The following SLC39A12 variants were observed in gnomAD, a reference collection of about 807,000 sequenced individuals.
SLC39A12 encodes zinc transporter ZIP12.
SLC39A12 carries 63 observed loss-of-function variants against 71.1 expected under a neutral mutation model. That is an observed-to-expected ratio of 0.89 (90% CI 0.72 to 1.09). The LOEUF (loss-of-function observed/expected upper bound fraction) is 1.09, where lower values mean the gene tolerates loss of function less well. Among genes scored for constraint, SLC39A12 ranks in the 50% least tolerant of loss-of-function variants. SLC39A12 has a pLI of 0.00. For missense variants in SLC39A12, 892 were observed against 812.6 expected (o/e 1.10, Z -1.19); for synonymous variants, 351 against 301.3 (o/e 1.16, Z -1.71).
At position 18,000,654 on chromosome 10, in the gene SLC39A12, T is replaced by C. The variant is rs1835807753; in HGVS notation, c.1601-13T>C. The C allele has an allele frequency of 6.2e-7, 1 of 1,613,792 alleles. No individual in the cohort carries two copies. The highest frequency in any genetic ancestry group is 1.7e-5 in the Admixed American group (1 of 60,000). On this transcript the variant is annotated splice_polypyrimidine_tract_variant and intron_variant, in intron 10 of 12. Coordinates refer to ENST00000377369, the MANE Select transcript of SLC39A12 (RefSeq NM_001145195.2). ...TCTGTTAATGCTTCTTCTGTGTTTA[T>C]TTGGTTCCTTAGGTAAAGCCATTAG...
At chr10:17,969,909 A>C (rs946193911) in intron 4 of SLC39A12, among the ~76,000 whole-genome samples, 1 of 152,204 alleles carries the variant, frequency 6.6e-6, no homozygotes. Flanking sequence ...AGTATTTCAT[A>C]GTCTGAAATC....
intron 2 of SLC39A12, among the ~76,000 whole-genome samples, chr10:17,957,007 C>A (rs10827910): frequency 1.3e-5 from 2 of 151,886 alleles, no homozygotes; most frequent in African/African-American, 2.4e-5. Flanking sequence ...AGCCACCCCC[C>A]ACCTCCGGAA....
chr10:17,973,629 T>G (rs1438176259), intron 4 of SLC39A12, among the ~76,000 whole-genome samples: 3 of 152,150 alleles, frequency 2.0e-5, no homozygotes, highest in Non-Finnish European at 4.4e-5. Context: ...CATTGTATAT[T>G]TGTTCCTTTT....
intron 12 of SLC39A12, among the ~76,000 whole-genome samples, chr10:18,029,372 G>A (rs537497286): frequency 6.6e-6 from 1 of 152,162 alleles, no homozygotes; most frequent in Admixed American, 6.5e-5. Context: ...CTCAACAACG[G>A]CAGGCCAAAG....
At position 17,961,749 on chromosome 10, in the gene SLC39A12, C is replaced by T. The variant is rs782477663; in HGVS notation, c.430C>T (p.Leu144=). Residue 144 remains leucine (L), a synonymous_variant, in exon 3 of 13, where the codon CTA becomes TTA. Coordinates refer to ENST00000377369, the MANE Select transcript of SLC39A12 (RefSeq NM_001145195.2). ...GAGTAATAAAGAGTATAAATTTTACCTACACAGCCTACTGAGCCTCAGGCA... is the reference window on the plus strand; with the variant it reads ...GAGTAATAAAGAGTATAAATTTTACTTACACAGCCTACTGAGCCTCAGGCA... ...NMSNKEYKFY[L]HSLLSLRQDE... 3.1e-6 allele frequency: 5 copies of T among 1,613,988 alleles called. No homozygotes were observed. The highest frequency in any genetic ancestry group is 1.7e-5 in the Admixed American group (1 of 60,012).
At chr10:18,032,819 G>A (rs1213780112) in intron 12 of SLC39A12, among the ~76,000 whole-genome samples, 20 of 149,760 alleles carry the variant, frequency 1.3e-4, no homozygotes, top group Non-Finnish European at 1.6e-4. Flanking sequence ...TTTGAAATAC[G>A]TCCCATCAAT....
intron 12 of SLC39A12, chr10:18,007,101 A>C (rs1259580106): frequency 6.6e-6 from 1 of 152,268 alleles, no homozygotes; most frequent in African/African-American, 2.4e-5. Flanking sequence ...GACTTCATAG[A>C]AAACAATAAG....
At chr10:18,026,175 T>A (rs1836671313) in intron 12 of SLC39A12, among the ~76,000 whole-genome samples, 2 of 152,208 alleles carry the variant, frequency 1.3e-5, no homozygotes, top group Admixed American at 1.3e-4. Flanking sequence ...AGACCAAAGT[T>A]TTTGACCAGT....
In SLC39A12 at chr10:17,958,904, TTAAAA is replaced by T. The variant is rs372916026; in HGVS notation, c.262-2673_262-2669del. On this transcript the variant is annotated intron_variant, in intron 2 of 12. Coordinates refer to ENST00000377369, the MANE Select transcript of SLC39A12 (RefSeq NM_001145195.2). The stretch of plus-strand genomic sequence containing the variant: ...GCTGGAGACATTTTGTTTTTCACAC[TTAAAA>T]TAATAATATAGGGTTCTTATTAAAA... Among the ~76,000 whole-genome samples, 205 of 152,318 alleles carry T rather than the reference TTAAAA, an allele frequency of 1.3e-3. 5 individuals are homozygous for T. In the South Asian group the frequency reaches 0.036, roughly 27 times the overall value.
chr10:18,025,236 AT>A (rs34486261), intron 12 of SLC39A12, among the ~76,000 whole-genome samples: 116,701 of 151,184 alleles, frequency 0.77, 45,633 homozygotes, highest in African/African-American at 0.89. Flanking sequence ...TTTTATTTTT[AT>A]TTTTTTTTAT....
At chr10:17,999,925 T>G (rs1051268078) in intron 10 of SLC39A12, among the ~76,000 whole-genome samples, 1 of 152,050 alleles carries the variant, frequency 6.6e-6, no homozygotes, top group African/African-American at 2.4e-5. Context: ...CACAGAACAG[T>G]CTGACTCAAA....
chr10:17,987,428 G>A (rs371255837), intron 6 of SLC39A12, 51 bp from the exon 7 acceptor site: 30 of 1,578,932 alleles, frequency 1.9e-5, no homozygotes, highest in East Asian at 4.5e-5. Flanking sequence ...AGCTGAGGCC[G>A]GAATGGAGGG....
At chr10:17,953,882 T>A (rs1396521089) in intron 2 of SLC39A12, among the ~76,000 whole-genome samples, 1 of 152,236 alleles carries the variant, frequency 6.6e-6, no homozygotes, top group Non-Finnish European at 1.5e-5. Context: ...ACGTGACTAG[T>A]TTTAGTTGCT....
rs996986048 is a variant in SLC39A12, at chr10:18,036,353, C to T, written c.1948-6352C>T. Among the ~76,000 whole-genome samples the T allele has an allele frequency of 5.9e-5, 9 of 152,122 alleles. No individual in the cohort carries two copies. The South Asian group carries it at 6.2e-4, about 11-fold the overall frequency. On this transcript the variant is annotated intron_variant, in intron 12 of 12. Coordinates refer to ENST00000377369, the MANE Select transcript of SLC39A12 (RefSeq NM_001145195.2). ...AGGTGTGGGATATAATCTCGTGGTG[C>T]GCCGTTTTTTTAAGCCGGTCTGAAA...
intron 3 of SLC39A12, among the ~76,000 whole-genome samples, chr10:17,964,775 G>T (rs946803466): frequency 2.6e-5 from 4 of 152,354 alleles, no homozygotes; most frequent in African/African-American, 7.2e-5. Context: ...GAGCCTGTGT[G>T]AAGTCAGGGT....
At chr10:18,020,851 T>A (rs1023412294) in intron 12 of SLC39A12, among the ~76,000 whole-genome samples, 1 of 152,162 alleles carries the variant, frequency 6.6e-6, no homozygotes, top group Non-Finnish European at 1.5e-5. Flanking sequence ...TTTAAGTTTC[T>A]TATAGATTTT....
chr10:18,032,687 T>G (rs1836883361), intron 12 of SLC39A12, among the ~76,000 whole-genome samples: 1 of 151,644 alleles, frequency 6.6e-6, no homozygotes, highest in African/African-American at 2.4e-5. Context: ...CAACACTATG[T>G]TGAATAGGAG....
intron 5 of SLC39A12, among the ~76,000 whole-genome samples, chr10:17,978,386 T>C (rs1835169887): frequency 6.6e-6 from 1 of 152,216 alleles, no homozygotes; most frequent in Non-Finnish European, 1.5e-5. Flanking sequence ...ATCCTGGGCA[T>C]GAGAGATACA....
chr10:18,007,155 T>G (rs1836049979), intron 12 of SLC39A12: 1 of 152,316 alleles, frequency 6.6e-6, no homozygotes, highest in Non-Finnish European at 1.5e-5. Context: ...CCATAGTTGA[T>G]ATTCTTCATC....
Sources: gnomAD v4.1 joint callset for allele counts (sites outside exome capture counted in the v4.1 genomes callset) on GRCh38, gnomAD v4.1.1 for gene constraint, MANE v1.5 for transcripts, NCBI Gene and HGNC (gene_info 2026-07-23, HGNC 2026-07-21) for gene names.